The following LRRC4C variants were observed in gnomAD, a reference collection of about 807,000 sequenced individuals.
LRRC4C encodes the protein leucine rich repeat containing 4C.
LRRC4C carries 5 observed loss-of-function variants against 33.6 expected under a neutral mutation model. That is an observed-to-expected ratio of 0.15 (90% CI 0.08 to 0.31). The LOEUF is 0.31. Among genes scored for constraint, LRRC4C ranks in the 10% least tolerant of loss-of-function variants. LRRC4C has a pLI of 1.00. For missense variants in LRRC4C, 560 were observed against 796.7 expected (o/e 0.70, Z 3.58); for synonymous variants, 329 against 302.0 (o/e 1.09, Z -0.93).
chr11:40,153,478 TA>T (rs1858396144), intron 5 of LRRC4C, among the ~76,000 whole-genome samples: 1 of 152,132 alleles, frequency 6.6e-6, no homozygotes, highest in African/African-American at 2.4e-5. Flanking sequence ...GGAGGTTAGT[TA>T]TTAAGCTAAT....
At chr11:40,121,105 A>G (rs1339677247) in intron 6 of LRRC4C, among the ~76,000 whole-genome samples, 1 of 152,182 alleles carries the variant, frequency 6.6e-6, no homozygotes, top group African/African-American at 2.4e-5. Context: ...AGCAGCAATA[A>G]TATCGCTTAT....
chr11:40,425,540 T>A (rs1324655763), intron 3 of LRRC4C, among the ~76,000 whole-genome samples: 1 of 152,192 alleles, frequency 6.6e-6, no homozygotes, highest in Non-Finnish European at 1.5e-5. Context: ...CAGGACTTTG[T>A]AGACTTGCTA....
chr11:40,858,588 G>A (rs1214037591), intron 2 of LRRC4C, among the ~76,000 whole-genome samples: 1 of 151,008 alleles, frequency 6.6e-6, no homozygotes, highest in Non-Finnish European at 1.5e-5. Context: ...CAGTTACTCT[G>A]GTGGCTGAGG....
chr11:40,642,276 T>G (rs1240682384), intron 3 of LRRC4C, among the ~76,000 whole-genome samples: 3 of 152,218 alleles, frequency 2.0e-5, no homozygotes, highest in African/African-American at 7.2e-5. Flanking sequence ...TTTGTAGAGA[T>G]AAGATTTTAC....
rs187537088 is a variant in LRRC4C, at chr11:41,084,806, G to A, written c.-495-151083C>T. ...GGAGGTTGCAGTGAGCCAAGATCAC[G>A]CCACTACACTCCAGCCCGGGTGAAA... On this transcript the variant is annotated intron_variant, in intron 1 of 6. Coordinates refer to ENST00000528697, the MANE Select transcript of LRRC4C (RefSeq NM_001258419.2). Among the ~76,000 whole-genome samples the A allele has an allele frequency of 2.0e-3, 308 of 152,196 alleles. 1 individual carries two copies. The highest frequency in any genetic ancestry group is 8.5e-3 in the South Asian group (41 of 4,820).
At chr11:41,301,407 A>T (rs549254911) in intron 1 of LRRC4C, among the ~76,000 whole-genome samples, 1 of 152,320 alleles carries the variant, frequency 6.6e-6, no homozygotes, top group South Asian at 2.1e-4. Flanking sequence ...TGGGGGTGGG[A>T]AAAACCTAAA....
At chr11:41,170,995 A>G (rs1366266160) in intron 1 of LRRC4C, among the ~76,000 whole-genome samples, 1 of 152,174 alleles carries the variant, frequency 6.6e-6, no homozygotes, top group Non-Finnish European at 1.5e-5. Context: ...CAAAAAACAC[A>G]TGAAAAAATG....
intron 2 of LRRC4C, among the ~76,000 whole-genome samples, chr11:40,773,522 A>T: frequency 6.6e-6 from 1 of 152,100 alleles, no homozygotes. Context: ...GTTAAAAAAT[A>T]AAGATAAAAG....
chr11:41,307,369 G>A (rs1010638034), intron 1 of LRRC4C, among the ~76,000 whole-genome samples: 3 of 152,002 alleles, frequency 2.0e-5, no homozygotes, highest in African/African-American at 7.3e-5. Context: ...ATGCTTTCTT[G>A]TCTTCCATAG....
chr11:41,123,171 G>A (rs184059542), intron 1 of LRRC4C, among the ~76,000 whole-genome samples: 2 of 151,900 alleles, frequency 1.3e-5, no homozygotes, highest in Admixed American at 6.5e-5. Context: ...CCTCCAAGGA[G>A]GGTAAATTCC....
At chr11:41,253,062 A>G (rs1948692619) in intron 1 of LRRC4C, among the ~76,000 whole-genome samples, 1 of 152,166 alleles carries the variant, frequency 6.6e-6, no homozygotes, top group African/African-American at 2.4e-5. Context: ...AGTCAAGACG[A>G]TCATTCACAT....
intron 2 of LRRC4C, among the ~76,000 whole-genome samples, chr11:40,803,623 TA>T (rs1460955880): frequency 1.3e-5 from 2 of 152,130 alleles, no homozygotes; most frequent in African/African-American, 4.8e-5. Context: ...TGAATTTATT[TA>T]TTTTTTTGAG....
At position 41,182,925 on chromosome 11, in the gene LRRC4C, G is replaced by A. The variant is rs373313179; in HGVS notation, c.-495-249202C>T. Among the ~76,000 whole-genome samples the A allele has an allele frequency of 2.0e-4, 30 of 151,996 alleles. No homozygotes were observed. In the East Asian group the frequency reaches 4.6e-3, roughly 24 times the overall value. ...GCCTCACAATCATGGGGGAAGGCAA[G>A]GAGGAGCAAATCACATCTTACATGG... On this transcript the variant is annotated intron_variant, in intron 1 of 6. Coordinates refer to ENST00000528697, the MANE Select transcript of LRRC4C (RefSeq NM_001258419.2).
Position 41,102,835 on chromosome 11 carries a change from T to C in LRRC4C, c.-495-169112A>G, listed in dbSNP as rs944307922. ...TAAGTTAAGGCATAGGAACAAAGAA[T>C]GCTAATGTACATAAATCTCTATGCT... On this transcript the variant is annotated intron_variant, in intron 1 of 6. Transcript: ENST00000528697. Among the ~76,000 whole-genome samples the C allele has an allele frequency of 4.6e-5, 7 of 152,124 alleles. No individual in the cohort carries two copies. The East Asian group carries it at 1.4e-3, about 29-fold the overall frequency.
chr11:40,220,349 A>T (rs1565150898), intron 5 of LRRC4C, among the ~76,000 whole-genome samples: 1 of 152,204 alleles, frequency 6.6e-6, no homozygotes, highest in Non-Finnish European at 1.5e-5. Flanking sequence ...TTTCATATAT[A>T]TGTTATAATA....
At chr11:40,911,167 A>G (rs1018725540) in intron 2 of LRRC4C, among the ~76,000 whole-genome samples, 1 of 152,168 alleles carries the variant, frequency 6.6e-6, no homozygotes, top group African/African-American at 2.4e-5. Flanking sequence ...GCAGACCTAA[A>G]TGTCCCTGTC....
intron 5 of LRRC4C, among the ~76,000 whole-genome samples, chr11:40,186,295 C>T (rs561273577): frequency 6.6e-6 from 1 of 152,252 alleles, no homozygotes; most frequent in African/African-American, 2.4e-5. Flanking sequence ...TTCTGAGTGT[C>T]TGGGAATTTC....
intron 2 of LRRC4C, among the ~76,000 whole-genome samples, chr11:40,897,288 C>T (rs1030825636): frequency 6.6e-6 from 1 of 152,130 alleles, no homozygotes; most frequent in African/African-American, 2.4e-5. Context: ...TTAAAAATAT[C>T]TTTTAAAAAC....
intron 1 of LRRC4C, among the ~76,000 whole-genome samples, chr11:41,407,279 T>C (rs1475055406): frequency 6.6e-6 from 1 of 151,982 alleles, no homozygotes; most frequent in Non-Finnish European, 1.5e-5. Context: ...TCCAGGTCTG[T>C]TTGATTAACA....
Sources: allele counts gnomAD v4.1 joint callset (sites outside exome capture counted in the v4.1 genomes callset), GRCh38; gene constraint gnomAD v4.1.1; transcripts MANE v1.5; gene names NCBI Gene and HGNC (gene_info 2026-07-23, HGNC 2026-07-21).